Variants in VEGFA observed in about 807,000 individuals in gnomAD.
The protein encoded by VEGFA is vascular endothelial growth factor A.
Under a neutral mutation model 49.7 loss-of-function variants are expected in VEGFA, and 20 were observed. The ratio of observed to expected loss-of-function variants is 0.40; its 90% CI spans 0.28 to 0.58. The LOEUF is 0.58. Ranked by LOEUF, VEGFA falls within the 20% of genes least tolerant of loss-of-function variation. VEGFA has a pLI of 0.40. For synonymous variants in VEGFA, 219 were observed against 223.4 expected (o/e 0.98, Z 0.18); for missense variants, 505 against 553.5 (o/e 0.91, Z 0.88).
intron 2 of VEGFA, 197 bp downstream of exon 2, chr6:43,774,589 G>A: frequency 3.1e-6 from 2 of 643,434 alleles, no homozygotes; most frequent in South Asian, 3.7e-5. Context: ...GTCTCTGCTA[G>A]AAGTAGGACT....
At chr6:43,780,704 TC>T (rs1767300042) in intron 5 of VEGFA, 27 bp from the exon 6 acceptor site, 1 of 1,523,244 alleles carries the variant, frequency 6.6e-7, no homozygotes, top group African/African-American at 1.4e-5. Flanking sequence ...CCCCGCTCTC[TC>T]TCTGTCTCTG....
chr6:43,784,822 G>A lies in VEGFA; in HGVS notation c.*260G>A, dbSNP rs973226910. 2 of 633,438 alleles carry A rather than the reference G, an allele frequency of 3.2e-6. No individual in the cohort carries two copies. The highest frequency in any genetic ancestry group is 1.8e-5 in the South Asian group (1 of 54,762). 39.2% of individuals were successfully genotyped at this position (633,438 alleles called of 1,614,324 possible). A position where few individuals can be genotyped will look rare whatever the true frequency, so the allele number is the denominator to read the frequency against. ...CACGGTCCCTCTTGGAATTGGATTC[G>A]CCATTTTATTTTTCTTGCTGCTAAA... is the stretch of plus-strand genomic sequence containing the variant. On this transcript the variant is annotated 3_prime_UTR_variant, in exon 8 of 8. Transcript: ENST00000672860.
chr6:43,780,891 T>G (rs1409110447), intron 6 of VEGFA, 88 bp downstream of exon 6: 1 of 1,610,556 alleles, frequency 6.2e-7, no homozygotes. Context: ...TAACCCTGCC[T>G]CCCTCCCCTG....
intron 1 of VEGFA, among the ~76,000 whole-genome samples, chr6:43,772,542 A>C (rs1336447547): frequency 2.6e-5 from 4 of 152,228 alleles, no homozygotes; most frequent in Non-Finnish European, 5.9e-5. Context: ...TGACACGGGC[A>C]GCATGGGAAT....
chr6:43,770,493 A>G lies in VEGFA; in HGVS notation c.-214A>G, dbSNP rs572864799. 2.2e-5 allele frequency: 25 copies of G among 1,143,714 alleles called. No individual in the cohort carries two copies. The South Asian group carries it at 6.9e-4, about 31-fold the overall frequency. The allele number at this position is 1,143,714 out of a possible 1,614,324, so 70.8% of individuals were successfully genotyped here. ...TTGGGGAGATTGCTCTACTTCCCCA[A>G]ATCACTGTGGATTTTGGAAACCAGC... On this transcript the variant is annotated 5_prime_UTR_variant, in exon 1 of 8. Transcript: ENST00000672860.
At chr6:43,772,764 T>C (rs1188231094) in intron 1 of VEGFA, among the ~76,000 whole-genome samples, 1 of 152,162 alleles carries the variant, frequency 6.6e-6, no homozygotes, top group Non-Finnish European at 1.5e-5. Flanking sequence ...AGGAAAGCCA[T>C]GGACAGGGGT....
Position 43,770,673 on chromosome 6 carries a change from C to T in VEGFA, c.-34C>T, listed in dbSNP as rs778096932. On this transcript the variant is annotated 5_prime_UTR_variant, in exon 1 of 8. Coordinates refer to ENST00000672860, the MANE Select transcript of VEGFA (RefSeq NM_003376.6). ...TGACCGCCGGAGCGCGGCGTGAGCC[C>T]TCCCCCTTGGGATCCCGCAGCTGAC... 2 of 1,534,044 alleles carry T rather than the reference C, an allele frequency of 1.3e-6. No homozygotes were observed. The highest frequency in any genetic ancestry group is 1.4e-5 in the African/African-American group (1 of 70,480).
At chr6:43,776,028 TG>T (rs1364273554) in intron 2 of VEGFA, 3 of 151,290 alleles carry the variant, frequency 2.0e-5, no homozygotes. Flanking sequence ...GGTTGGGAGC[TG>T]GGGTGGAAGT....
At chr6:43,778,820 C>T in intron 4 of VEGFA, 69 bp from the exon 5 acceptor site, 2 of 1,514,358 alleles carry the variant, frequency 1.3e-6, no homozygotes, top group East Asian at 2.3e-5. Context: ...TTGTTGTTAT[C>T]CCTATCATTA....
Position 43,771,021 on chromosome 6 carries a change from G to A in VEGFA, c.315G>A (p.Arg105=), listed in dbSNP as rs768628753. 8.4e-5 allele frequency: 129 copies of A among 1,531,900 alleles called. No homozygotes were observed. The highest frequency in any genetic ancestry group is 1.1e-4 in the Non-Finnish European group (126 of 1,139,566). The allele number at this position is 1,531,900 out of a possible 1,614,324, so 94.9% of individuals were successfully genotyped here. Residue 105 remains arginine (R), a synonymous_variant, in exon 1 of 8, where the codon AGG becomes AGA. Transcript: ENST00000672860. The stretch of plus-strand genomic sequence containing the variant: ...AGGAAGAAGAGAAGGAAGAGGAGAG[G>A]GGGCCGCAGTGGCGACTCGGCGCTC...
intron 5 of VEGFA, chr6:43,780,370 C>A: frequency 2.7e-6 from 1 of 373,688 alleles, no homozygotes; most frequent in Non-Finnish European, 5.2e-6. Flanking sequence ...GGGCAAAGAG[C>A]CTTCCCTCAG....
intron 1 of VEGFA, chr6:43,774,104 C>G (rs1764508973): frequency 3.4e-6 from 2 of 594,572 alleles, no homozygotes; most frequent in Non-Finnish European, 6.0e-6. Flanking sequence ...GCTCCCCAGC[C>G]CCCAACATCT....
chr6:43,780,682 T>TCCCCCCC, intron 5 of VEGFA, 50 bp from the exon 6 acceptor site: 3 of 1,580,978 alleles, frequency 1.9e-6, no homozygotes, highest in African/African-American at 2.7e-5. Flanking sequence ...CTTCTTTTAC[T>TCCCCCCC]CCCCCCACCG....
chr6:43,772,714 C>G (rs943070), intron 1 of VEGFA, among the ~76,000 whole-genome samples: 33,479 of 152,024 alleles, frequency 0.22, 3,819 homozygotes, highest in East Asian at 0.32. Flanking sequence ...TCCTCTCTGA[C>G]GCCTTCCCTC....
intron 1 of VEGFA, chr6:43,771,886 C>T (rs1763709053): frequency 2.9e-6 from 1 of 345,342 alleles, no homozygotes; most frequent in Non-Finnish European, 4.1e-6. Context: ...TGCTGGGCCA[C>T]CTGCGCCGCG....
rs759806982 is a variant in VEGFA at position 43,771,238 on chromosome 6, T to G, written c.532T>G (p.Ser178Ala). ...GAGCCGCGCCGGCCCCGGTCGGGCCTCCGAAACCATGAACTTTCTGCTGTC... is the reference window on the plus strand; with the variant it reads ...GAGCCGCGCCGGCCCCGGTCGGGCCGCCGAAACCATGAACTTTCTGCTGTC... The change falls in exon 1 of 8, where the codon TCC becomes GCC. Residue 178 changes from serine (S) to alanine (A), a missense_variant. Coordinates refer to ENST00000672860, the MANE Select transcript of VEGFA (RefSeq NM_003376.6). The G allele has an allele frequency of 6.2e-7, 1 of 1,606,382 alleles. No individual in the cohort carries two copies. The highest frequency in any genetic ancestry group is 8.5e-7 in the Non-Finnish European group (1 of 1,177,334).
Position 43,780,807 on chromosome 6 carries a change from C to A in VEGFA, c.1034+4C>A. 1 of 1,613,850 alleles carries A rather than the reference C, an allele frequency of 6.2e-7. No individual in the cohort carries two copies. The highest frequency in any genetic ancestry group is 8.5e-7 in the Non-Finnish European group (1 of 1,180,002). ...CCCGGTATAAGTCCTGGAGCGTGTA[C>A]GTTGGTGCCCGCTGCTGTCTAATGC... On this transcript the variant is annotated splice_donor_region_variant and intron_variant, in intron 6 of 7. Coordinates refer to ENST00000672860, the MANE Select transcript of VEGFA (RefSeq NM_003376.6).
At chr6:43,784,340 G>A (rs942508090) in intron 7 of VEGFA, 12 of 644,814 alleles carry the variant, frequency 1.9e-5, no homozygotes, top group Admixed American at 5.0e-5. Context: ...TGCTCAGGCC[G>A]GGGCTCCCTG....
At chr6:43,782,212 A>G (rs1768065360) in intron 7 of VEGFA, 125 bp downstream of exon 7, 1 of 1,392,116 alleles carries the variant, frequency 7.2e-7, no homozygotes. Context: ...CTGCTTGCTC[A>G]GTTTCTAGCT....
Sources: gnomAD v4.1 joint callset for allele counts (sites outside exome capture counted in the v4.1 genomes callset) on GRCh38, gnomAD v4.1.1 for gene constraint, MANE v1.5 for transcripts, NCBI Gene and HGNC (gene_info 2026-07-23, HGNC 2026-07-21) for gene names.